RHOBTB1: variants seen among roughly 807,000 people sequenced by gnomAD.
RHOBTB1 encodes Rho related BTB domain containing 1.
RHOBTB1 carries 40 observed loss-of-function variants against 71.6 expected under a neutral mutation model. The observed-to-expected ratio is 0.56, with a 90% CI of 0.43 to 0.73. The LOEUF (loss-of-function observed/expected upper bound fraction) is 0.73. Among genes scored for constraint, RHOBTB1 ranks in the 30% least tolerant of loss-of-function variants. The pLI is 0.00. For missense variants in RHOBTB1, 797 were observed against 894.0 expected (o/e 0.89, Z 1.38); for synonymous variants, 319 against 334.9 (o/e 0.95, Z 0.52).
At chr10:60,999,179 G>A (rs773513865) in intron 1 of RHOBTB1, among the ~76,000 whole-genome samples, 43 of 152,132 alleles carry the variant, frequency 2.8e-4, no homozygotes, top group Non-Finnish European at 5.1e-4. Context: ...GAGGAGTGGC[G>A]GCAGAGGGAA....
chr10:60,946,460 T>A (rs1195264852), upstream of RHOBTB1, among the ~76,000 whole-genome samples: 1 of 152,124 alleles, frequency 6.6e-6, no homozygotes, highest in East Asian at 1.9e-4. Context: ...TAAAACACAT[T>A]TTCTCATGTA....
intron 4 of RHOBTB1, among the ~76,000 whole-genome samples, chr10:60,898,088 A>G (rs763354350): frequency 6.6e-6 from 1 of 152,086 alleles, no homozygotes; most frequent in Non-Finnish European, 1.5e-5. Context: ...CCATGGTAGG[A>G]TCCCACCTCT....
intron 4 of RHOBTB1, among the ~76,000 whole-genome samples, chr10:60,909,882 CA>C (rs2082878626): frequency 6.6e-6 from 1 of 152,104 alleles, no homozygotes; most frequent in Non-Finnish European, 1.5e-5. Context: ...GGGAATAGGG[CA>C]AACTCTTTCA....
At chr10:60,904,349 G>A (rs2082556947) in intron 4 of RHOBTB1, among the ~76,000 whole-genome samples, 1 of 152,104 alleles carries the variant, frequency 6.6e-6, no homozygotes, top group Non-Finnish European at 1.5e-5. Flanking sequence ...TATTCCCCAT[G>A]AACCATCATC....
At chr10:60,924,480 C>T (rs1031269935) in intron 2 of RHOBTB1, among the ~76,000 whole-genome samples, 4 of 151,862 alleles carry the variant, frequency 2.6e-5, no homozygotes, top group African/African-American at 9.7e-5. Context: ...ACTCGAGCAT[C>T]CAGATATATA....
intron 4 of RHOBTB1, among the ~76,000 whole-genome samples, chr10:60,897,898 G>T (rs890389756): frequency 2.0e-5 from 3 of 152,016 alleles, no homozygotes; most frequent in Non-Finnish European, 2.9e-5. Flanking sequence ...TAGAGATGGG[G>T]TTTCACCATG....
At chr10:60,904,312 G>A (rs1440477481) in intron 4 of RHOBTB1, among the ~76,000 whole-genome samples, 1 of 152,104 alleles carries the variant, frequency 6.6e-6, no homozygotes, top group African/African-American at 2.4e-5. Flanking sequence ...CATATTTATT[G>A]TTTAATTTGA....
At chr10:60,959,361 A>C (rs999082059) in intron 2 of RHOBTB1, among the ~76,000 whole-genome samples, 5 of 152,166 alleles carry the variant, frequency 3.3e-5, no homozygotes, top group Admixed American at 3.3e-4. Context: ...CCAGATATCT[A>C]ACTCCACCAT....
At chr10:60,948,352 A>C (rs1346140847), upstream of RHOBTB1, among the ~76,000 whole-genome samples, 1 of 152,232 alleles carries the variant, frequency 6.6e-6, no homozygotes, top group East Asian at 1.9e-4. Flanking sequence ...TACTTACATA[A>C]AACTCCTATA....
chr10:60,946,050 C>T (rs1212239974), upstream of RHOBTB1, among the ~76,000 whole-genome samples: 1 of 152,160 alleles, frequency 6.6e-6, no homozygotes, highest in Non-Finnish European at 1.5e-5. Context: ...CGGTGGCGCA[C>T]GCCTGTAGTC....
intron 2 of RHOBTB1, among the ~76,000 whole-genome samples, chr10:60,958,673 A>T (rs1257913711): frequency 6.6e-6 from 1 of 152,154 alleles, no homozygotes; most frequent in Non-Finnish European, 1.5e-5. Flanking sequence ...GCATGATCAC[A>T]GTTCACTGCC....
At chr10:60,861,936 C>T in the RHOBTB1 span, among the ~76,000 whole-genome samples, 8 of 152,154 alleles carry the variant, frequency 5.3e-5, no homozygotes, top group African/African-American at 1.9e-4. Flanking sequence ...TGTTGCCTTT[C>T]CTTGCTGCAG....
chr10:60,912,217 A>G (rs914738081), intron 2 of RHOBTB1, among the ~76,000 whole-genome samples: 1 of 151,622 alleles, frequency 6.6e-6, no homozygotes, highest in Admixed American at 6.6e-5. Context: ...ATATATGTGT[A>G]TATATATACA....
chr10:60,972,888 G>T (rs1487146050), intron 2 of RHOBTB1, among the ~76,000 whole-genome samples: 1 of 151,912 alleles, frequency 6.6e-6, no homozygotes, highest in African/African-American at 2.4e-5. Context: ...CTCACTTGGA[G>T]GCAAAATACC....
chr10:60,869,060 A>C (rs1206185644), downstream of RHOBTB1, among the ~76,000 whole-genome samples: 3 of 152,242 alleles, frequency 2.0e-5, no homozygotes, highest in Non-Finnish European at 4.4e-5. Context: ...CCTGCTTTGC[A>C]GGAAACTTTT....
Position 60,936,953 on chromosome 10 carries a change from T to C in RHOBTB1, c.-11+4851A>G, listed in dbSNP as rs1255198753. 2.6e-5 allele frequency among the ~76,000 whole-genome samples: 4 copies of C among 152,184 alleles called. 1 individual carries two copies. In the South Asian group the frequency reaches 8.3e-4, roughly 32 times the overall value. On this transcript the variant is annotated intron_variant, in intron 2 of 10. Coordinates refer to ENST00000337910, the MANE Select transcript of RHOBTB1 (RefSeq NM_014836.5). Reference sequence around the variant, plus strand: ...GACATATACTTGCTACTTCTAAATTTGAAGAAGGACATCCATCTTGCAATA... The same window carrying C: ...GACATATACTTGCTACTTCTAAATTCGAAGAAGGACATCCATCTTGCAATA...
chr10:60,961,225 G>A (rs1014126960), intron 2 of RHOBTB1, among the ~76,000 whole-genome samples: 2 of 152,086 alleles, frequency 1.3e-5, no homozygotes, highest in African/African-American at 4.8e-5. Flanking sequence ...ATGTCCTTGT[G>A]AACATATAGG....
intron 2 of RHOBTB1, among the ~76,000 whole-genome samples, chr10:60,967,290 T>G (rs1306766877): frequency 4.7e-5 from 7 of 149,734 alleles, no homozygotes; most frequent in Non-Finnish European, 1.0e-4. Context: ...TGCCTGTTTT[T>G]TTTTTTTTTT....
At chr10:60,998,016 C>G (rs965240092) in intron 1 of RHOBTB1, among the ~76,000 whole-genome samples, 1 of 152,172 alleles carries the variant, frequency 6.6e-6, no homozygotes, top group Non-Finnish European at 1.5e-5. Context: ...AGACTATTAG[C>G]TGATCTCTAA....
Sources: allele counts gnomAD v4.1 joint callset (sites outside exome capture counted in the v4.1 genomes callset), GRCh38; gene constraint gnomAD v4.1.1; transcripts MANE v1.5; gene names NCBI Gene and HGNC (gene_info 2026-07-23, HGNC 2026-07-21).